DNAH11: variants seen among roughly 807,000 people sequenced by gnomAD.
DNAH11 encodes the protein dynein axonemal heavy chain 11, also known as axonemal beta dynein heavy chain 11.
In DNAH11, 442 loss-of-function variants were observed where a neutral mutation model predicts 526.0. The observed-to-expected ratio is 0.84, with a 90% CI of 0.78 to 0.91. DNAH11 has a LOEUF of 0.91. Among genes scored for constraint, DNAH11 ranks in the 40% least tolerant of loss-of-function variants. The pLI, the probability that DNAH11 is intolerant of heterozygous loss-of-function variation, is 0.00. For missense variants in DNAH11, 6,989 were observed against 5,448.7 expected (o/e 1.28, Z -8.90); for synonymous variants, 2,461 against 1,935.9 (o/e 1.27, Z -7.12).
chr7:21,683,902 T>C lies in DNAH11; in HGVS notation c.5579T>C (p.Leu1860Ser). 6.2e-7 allele frequency: 1 copy of C among 1,613,794 alleles called. No individual in the cohort carries two copies. The highest frequency in any genetic ancestry group is 8.5e-7 in the Non-Finnish European group (1 of 1,179,760). ...DAQFQYFYEY[L>S]GNSPRLVITP... ...CAGTTCCAGTACTTCTATGAATACT[T>C]AGGAAACAGCCCTCGACTAGTGATC... The change falls in exon 32 of 82, where the codon TTA becomes TCA. Residue 1860 changes from leucine (L) to serine (S), a missense_variant. Physicochemically the swap from Leu to Ser is moderately radical, Grantham distance 145. Coordinates refer to ENST00000409508, the MANE Select transcript of DNAH11 (RefSeq NM_001277115.2).
intron 61 of DNAH11, among the ~76,000 whole-genome samples, chr7:21,799,445 C>A (rs974170829): frequency 6.6e-6 from 1 of 151,996 alleles, no homozygotes; most frequent in African/African-American, 2.4e-5. Flanking sequence ...TCAAGCAATT[C>A]TCCTGCCTCA....
chr7:21,667,667 C>T (rs1015883605), intron 30 of DNAH11, among the ~76,000 whole-genome samples: 11 of 151,770 alleles, frequency 7.2e-5, no homozygotes, highest in African/African-American at 2.7e-4. Flanking sequence ...TTTGAACAGA[C>T]CAATAATACT....
At chr7:21,701,288 A>AC (rs1670339766) in intron 36 of DNAH11, among the ~76,000 whole-genome samples, 1 of 143,116 alleles carries the variant, frequency 7.0e-6, no homozygotes, top group Non-Finnish European at 1.5e-5. Flanking sequence ...AACACTTTTT[A>AC]CTTTTTTTTT....
chr7:21,551,192 C>G (rs1348474811), intron 2 of DNAH11, among the ~76,000 whole-genome samples: 1 of 152,140 alleles, frequency 6.6e-6, no homozygotes, highest in Non-Finnish European at 1.5e-5. Context: ...CTGTCTAATT[C>G]TTCCTTCTTC....
chr7:21,804,437 T>C (rs1393806670), intron 62 of DNAH11, among the ~76,000 whole-genome samples: 1 of 152,138 alleles, frequency 6.6e-6, no homozygotes, highest in East Asian at 1.9e-4. Flanking sequence ...CCCTAACTTA[T>C]TACCACAAAT....
intron 30 of DNAH11, 142 bp from the exon 31 acceptor site, chr7:21,681,404 G>C (rs890094818): frequency 6.1e-6 from 5 of 819,474 alleles, no homozygotes; most frequent in South Asian, 1.8e-5. Flanking sequence ...TCCAGCCTGG[G>C]TGACAGAGTG....
At chr7:21,687,805 G>A (rs766614717) in intron 34 of DNAH11, among the ~76,000 whole-genome samples, 7 of 152,182 alleles carry the variant, frequency 4.6e-5, no homozygotes, top group Admixed American at 1.3e-4. Context: ...TTGTGATCCT[G>A]GCACTTTGGG....
chr7:21,607,766 C>T (rs1785353014), intron 20 of DNAH11, among the ~76,000 whole-genome samples: 1 of 151,392 alleles, frequency 6.6e-6, no homozygotes, highest in Non-Finnish European at 1.5e-5. Flanking sequence ...CCCGTCTCTA[C>T]TAAAATAAAA....
intron 66 of DNAH11, among the ~76,000 whole-genome samples, chr7:21,849,152 T>C (rs1481438336): frequency 6.6e-6 from 1 of 152,262 alleles, no homozygotes; most frequent in African/African-American, 2.4e-5. Context: ...CCCAAAGTGC[T>C]GGGATTACGG....
At chr7:21,615,333 G>T (rs904778216) in intron 21 of DNAH11, 61 bp downstream of exon 21, 10 of 1,573,742 alleles carry the variant, frequency 6.4e-6, no homozygotes, top group South Asian at 2.3e-5. Flanking sequence ...TATGCAGTTT[G>T]TGGAGCCTAT....
chr7:21,771,314 TG>T (rs1317473429), intron 55 of DNAH11, among the ~76,000 whole-genome samples: 3 of 152,164 alleles, frequency 2.0e-5, no homozygotes, highest in African/African-American at 7.2e-5. Flanking sequence ...ACTGATTTAG[TG>T]CTGACCTCTG....
chr7:21,614,804 A>T (rs1339635010), intron 20 of DNAH11, among the ~76,000 whole-genome samples: 1 of 152,224 alleles, frequency 6.6e-6, no homozygotes, highest in Admixed American at 6.5e-5. Context: ...CAAATTCCCC[A>T]GCTCTCGGTA....
At chr7:21,568,476 C>T (rs1206988181) in intron 6 of DNAH11, among the ~76,000 whole-genome samples, 1 of 152,180 alleles carries the variant, frequency 6.6e-6, no homozygotes, top group African/African-American at 2.4e-5. Context: ...TTTGTGGCCC[C>T]TAGTAGGGTC....
At position 21,601,198 on chromosome 7, in the gene DNAH11, T is replaced by G; in HGVS notation, c.3425+19T>G. 2.5e-6 allele frequency: 4 copies of G among 1,578,526 alleles called. No individual in the cohort carries two copies. Among genetic ancestry groups the G allele is most frequent in the Non-Finnish European group, 3.4e-6 (4 of 1,168,522 alleles). Reference sequence around the variant, plus strand: ...TTGACAGGTAGCCTTTTACTTTGGTTTTTGGAATTATAACTTTCTAAACTG... The same window carrying G: ...TTGACAGGTAGCCTTTTACTTTGGTGTTTGGAATTATAACTTTCTAAACTG... On this transcript the variant is annotated intron_variant, in intron 17 of 81. Coordinates refer to ENST00000409508, the MANE Select transcript of DNAH11 (RefSeq NM_001277115.2).
intron 28 of DNAH11, among the ~76,000 whole-genome samples, chr7:21,651,868 A>G (rs1335533143): frequency 6.6e-6 from 1 of 152,240 alleles, no homozygotes; most frequent in Non-Finnish European, 1.5e-5. Flanking sequence ...GATGTGCATC[A>G]TCATCAGTGA....
intron 43 of DNAH11, among the ~76,000 whole-genome samples, chr7:21,720,005 A>G (rs1784814617): frequency 6.6e-6 from 1 of 152,238 alleles, no homozygotes; most frequent in Non-Finnish European, 1.5e-5. Flanking sequence ...TGCTGGCGCA[A>G]CTGCCCTAAG....
chr7:21,751,743 G>C (rs1452861852), intron 54 of DNAH11, among the ~76,000 whole-genome samples: 4 of 152,182 alleles, frequency 2.6e-5, no homozygotes, highest in Admixed American at 6.5e-5. Flanking sequence ...CAAGTTTCAC[G>C]TTAATCTTAC....
At chr7:21,892,815 C>G (rs1784373105) in intron 77 of DNAH11, 148 bp downstream of exon 77, 9 of 945,924 alleles carry the variant, frequency 9.5e-6, no homozygotes, top group Non-Finnish European at 1.2e-5. Flanking sequence ...ATTTCCAACA[C>G]TCCAGAAGGA....
chr7:21,750,413 A>G, intron 54 of DNAH11, 49 bp downstream of exon 54: 1 of 1,556,292 alleles, frequency 6.4e-7, no homozygotes, highest in Non-Finnish European at 8.7e-7. Context: ...CTGCTATTGC[A>G]ACTCTCTGGT....
Sources: gnomAD v4.1 joint callset for allele counts (sites outside exome capture counted in the v4.1 genomes callset) on GRCh38, gnomAD v4.1.1 for gene constraint, MANE v1.5 for transcripts, NCBI Gene and HGNC (gene_info 2026-07-23, HGNC 2026-07-21) for gene names.